MINK1: variants seen among roughly 807,000 people sequenced by gnomAD.
MINK1 encodes misshapen like kinase 1.
In MINK1, 46 loss-of-function variants were observed where a neutral mutation model predicts 178.4. The ratio of observed to expected loss-of-function variants is 0.26; its 90% CI spans 0.20 to 0.33. The LOEUF is 0.33. Among genes scored for constraint, MINK1 ranks in the 10% least tolerant of loss-of-function variants. The pLI is 1.00. For missense variants in MINK1, 1,366 were observed against 1,814.9 expected (o/e 0.75, Z 4.49); for synonymous variants, 797 against 709.7 (o/e 1.12, Z -1.96).
At chr17:4,879,557 G>A (rs748451712) in intron 2 of MINK1, among the ~76,000 whole-genome samples, 36 of 152,226 alleles carry the variant, frequency 2.4e-4, no homozygotes, top group Non-Finnish European at 4.3e-4. Context: ...TTGAATGGCT[G>A]AGGATAAAAA....
chr17:4,890,110 C>T (rs957747595), intron 13 of MINK1: 20 of 469,700 alleles, frequency 4.3e-5, no homozygotes, highest in Non-Finnish European at 6.2e-5. Flanking sequence ...CCCCTGCACC[C>T]CCTCATTCTC....
intron 1 of MINK1, among the ~76,000 whole-genome samples, chr17:4,868,059 C>T (rs990538882): frequency 2.6e-5 from 4 of 151,300 alleles, no homozygotes; most frequent in Non-Finnish European, 4.4e-5. Context: ...TCACTGCAAC[C>T]TCCACCTTCC....
At chr17:4,867,021 C>G (rs1006291588) in intron 1 of MINK1, among the ~76,000 whole-genome samples, 2 of 149,092 alleles carry the variant, frequency 1.3e-5, no homozygotes, top group African/African-American at 2.5e-5. Context: ...TGTAGTGAAC[C>G]GGGACCGTGC....
Position 4,893,613 on chromosome 17 carries a change from T to A in MINK1, c.2564+16T>A, listed in dbSNP as rs754287468. ...CTGGGGGCCGGTACGGCATCGGGAG[T>A]GGGGCCCTCCCACTCCAAGGCACAG... On this transcript the variant is annotated intron_variant, in intron 21 of 31. Coordinates refer to ENST00000355280, the MANE Select transcript of MINK1 (RefSeq NM_153827.5). The A allele has an allele frequency of 6.6e-7, 1 of 1,512,746 alleles. No individual in the cohort carries two copies. Among genetic ancestry groups the A allele is most frequent in the Non-Finnish European group, 8.9e-7 (1 of 1,128,790 alleles). The allele number at this position is 1,512,746 out of a possible 1,614,324, so 93.7% of individuals were successfully genotyped here. A position where few individuals can be genotyped will look rare whatever the true frequency, so the allele number is the denominator to read the frequency against.
rs1969242706 is a variant in MINK1 at position 4,894,636 on chromosome 17, G to A, written c.2917+3G>A. On this transcript the variant is annotated splice_donor_region_variant and intron_variant, in intron 24 of 31. Transcript: ENST00000355280. This position sits in a 1 kb window ranked among gnomAD's most constrained non-coding sequence, Gnocchi z 4.1. ...TGGGGACAGCATCCCCATCACAGGT[G>A]AGGACAGGAGGACAGACCTGCTGTG... is the stretch of plus-strand genomic sequence containing the variant. The A allele has an allele frequency of 6.3e-7, 1 of 1,588,740 alleles. No individual in the cohort carries two copies. Among genetic ancestry groups the A allele is most frequent in the Middle Eastern group, 1.7e-4 (1 of 6,032 alleles).
Position 4,895,741 on chromosome 17 carries a change from G to C in MINK1, c.3273G>C (p.Arg1091=). ...GGGTGTATTACCTGTCCTGGCTCCG[G>C]AACAAGATTCTGCACAATGACCCAG... is the stretch of plus-strand genomic sequence containing the variant. ...KLRVYYLSWL[R]NKILHNDPEV... Residue 1091 remains arginine (R), a synonymous_variant, in exon 27 of 32, where the codon CGG becomes CGC. Coordinates refer to ENST00000355280, the MANE Select transcript of MINK1 (RefSeq NM_153827.5). The surrounding 1 kb of genome is among the most constrained non-coding windows in gnomAD (Gnocchi z 4.3). 6.2e-7 allele frequency: 1 copy of C among 1,613,790 alleles called. No homozygotes were observed. The highest frequency in any genetic ancestry group is 8.5e-7 in the Non-Finnish European group (1 of 1,179,798).
At position 4,891,504 on chromosome 17, in the gene MINK1, C is replaced by A; in HGVS notation, c.1789C>A (p.Pro597Thr). 1.2e-6 allele frequency: 2 copies of A among 1,610,998 alleles called. No homozygotes were observed. The highest frequency in any genetic ancestry group is 1.7e-6 in the Non-Finnish European group (2 of 1,178,270). The stretch of plus-strand genomic sequence containing the variant: ...ACTGAAGCCATATGCAGCACCTGTA[C>A]CCCGATCCCAGTCCCTGCAGGACCA... ...VPLKPYAAPVPRSQSLQDQPT... is the reference protein window; with the variant it reads ...VPLKPYAAPVTRSQSLQDQPT... The change falls in exon 16 of 32, where the codon CCC becomes ACC. Residue 597 changes from proline (P) to threonine (T), a missense_variant. Physicochemically the swap from Pro to Thr is conservative, Grantham distance 38. Around this residue, in one of 14 missense-constraint regions of MINK1, gnomAD observed 709 missense variants for 692.3 expected, o/e 1.02. Coordinates refer to ENST00000355280, the MANE Select transcript of MINK1 (RefSeq NM_153827.5).
In MINK1 at chr17:4,836,940, G is replaced by C. The variant is rs1306630663; in HGVS notation, c.57+3300G>C. The stretch of plus-strand genomic sequence containing the variant: ...CGACCGTAATCCCAGCACTTTGGGA[G>C]GCCGAGGCAGATGGATCACCTGAGA... On this transcript the variant is annotated intron_variant, in intron 1 of 31. Transcript: ENST00000355280. The surrounding 1 kb of genome is among the most constrained non-coding windows in gnomAD (Gnocchi z 4.3). Among the ~76,000 whole-genome samples the C allele has an allele frequency of 6.6e-6, 1 of 152,064 alleles. No individual in the cohort carries two copies. Among genetic ancestry groups the C allele is most frequent in the African/African-American group, 2.4e-5 (1 of 41,370 alleles).
intron 4 of MINK1, among the ~76,000 whole-genome samples, chr17:4,882,061 A>G (rs1370614091): frequency 1.3e-5 from 2 of 152,256 alleles, no homozygotes; most frequent in African/African-American, 4.8e-5. Flanking sequence ...TTTTGGGAAC[A>G]CACACACTCA....
chr17:4,875,466 T>C (rs1305561570), intron 1 of MINK1: 1 of 453,328 alleles, frequency 2.2e-6, no homozygotes, highest in Non-Finnish European at 4.4e-6. Context: ...CAGAGCGAGA[T>C]CTGACTCTAA....
At chr17:4,834,971 C>A (rs1406628084) in intron 1 of MINK1, among the ~76,000 whole-genome samples, 8 of 151,958 alleles carry the variant, frequency 5.3e-5, no homozygotes, top group Non-Finnish European at 1.2e-4. Context: ...TTTTTTCTTC[C>A]CATTTTCAGG....
At chr17:4,881,287 T>G in intron 4 of MINK1, 30 bp downstream of exon 4, 1 of 1,532,980 alleles carries the variant, frequency 6.5e-7, no homozygotes, top group Non-Finnish European at 8.7e-7. Context: ...CCGCCTTCCC[T>G]CCCCGCAATC....
chr17:4,889,992 G>T (rs1465447003), intron 13 of MINK1: 5 of 442,178 alleles, frequency 1.1e-5, no homozygotes, highest in Non-Finnish European at 1.5e-5. Flanking sequence ...CTGACTCCCC[G>T]ACCCCTTCCT....
chr17:4,835,095 T>C (rs1251195926), intron 1 of MINK1, among the ~76,000 whole-genome samples: 1 of 152,048 alleles, frequency 6.6e-6, no homozygotes, highest in African/African-American at 2.4e-5. Context: ...CGCAGGCACA[T>C]GTGTGTGTGT....
intron 1 of MINK1, among the ~76,000 whole-genome samples, chr17:4,839,717 G>A (rs192224535): frequency 1.3e-5 from 2 of 152,220 alleles, no homozygotes; most frequent in East Asian, 1.9e-4. Flanking sequence ...TACTAAGGGC[G>A]GGAATAGTAA....
chr17:4,866,157 T>A (rs1462621091), intron 1 of MINK1, among the ~76,000 whole-genome samples: 1 of 152,024 alleles, frequency 6.6e-6, no homozygotes, highest in African/African-American at 2.4e-5. Flanking sequence ...TGTGGACCCA[T>A]TTAGAATCAT....
Position 4,892,779 on chromosome 17 carries a change from C to T in MINK1, c.2311+11C>T, listed in dbSNP as rs1225940017. On this transcript the variant is annotated intron_variant, in intron 19 of 31. Transcript: ENST00000355280. ...GGAACCGCGTGGGAGGTATGTGAGCCAGGGCTGGGCAGCCTGCTCTGGGCC... is the reference window on the plus strand; with the variant it reads ...GGAACCGCGTGGGAGGTATGTGAGCTAGGGCTGGGCAGCCTGCTCTGGGCC... 1.3e-5 allele frequency: 20 copies of T among 1,589,188 alleles called. No homozygotes were observed. The highest frequency in any genetic ancestry group is 1.6e-5 in the Non-Finnish European group (19 of 1,167,450).
chr17:4,894,691 G>A lies in MINK1; in HGVS notation c.2917+58G>A. 1 of 1,320,150 alleles carries A rather than the reference G, an allele frequency of 7.6e-7. No individual in the cohort carries two copies. The highest frequency in any genetic ancestry group is 1.1e-6 in the Non-Finnish European group (1 of 933,588). The allele number at this position is 1,320,150 out of a possible 1,614,324, so 81.8% of individuals were successfully genotyped here. ...CAGGGTCCAGGGGCAGCCTGGAGGG[G>A]AGCACAGTGGTCTTGAGACGCAGCC... On this transcript the variant is annotated intron_variant, in intron 24 of 31. Transcript: ENST00000355280. The surrounding 1 kb of genome is among the most constrained non-coding windows in gnomAD (Gnocchi z 4.1).
Position 4,897,329 on chromosome 17 carries a change from TC to T in MINK1, c.*47del. ...GGCTGTCCCACACTGGACCCAGCTC[TC>T]CCCCTGCAGCCAGGCTTCCCGGGCC... On this transcript the variant is annotated 3_prime_UTR_variant, in exon 32 of 32. Transcript: ENST00000355280. The T allele has an allele frequency of 6.4e-7, 1 of 1,574,470 alleles. No individual in the cohort carries two copies. The highest frequency in any genetic ancestry group is 8.7e-7 in the Non-Finnish European group (1 of 1,147,042).
Sources: allele counts gnomAD v4.1 joint callset (sites outside exome capture counted in the v4.1 genomes callset), GRCh38; gene constraint gnomAD v4.1.1; regional missense constraint gnomAD v4.1.1; non-coding constraint Gnocchi (gnomAD v3.1); transcripts MANE v1.5; gene names NCBI Gene and HGNC (gene_info 2026-07-23, HGNC 2026-07-21).